ERC2: variants seen among roughly 807,000 people sequenced by gnomAD.
ERC2 encodes ERC protein 2.
In ERC2, 42 loss-of-function variants were observed where a neutral mutation model predicts 114.8. The ratio of observed to expected loss-of-function variants is 0.37; its 90% confidence interval spans 0.29 to 0.47. ERC2 has a LOEUF of 0.47. Among genes scored for constraint, ERC2 ranks in the 20% least tolerant of loss-of-function variants. ERC2 has a pLI of 0.99. For missense variants in ERC2, 939 were observed against 1,150.7 expected, an observed-to-expected ratio of 0.82 and a Z score of 2.66; for synonymous variants, 454 against 425.5, an observed-to-expected ratio of 1.07 and a Z score of -0.82.
rs2081494619 is a variant in ERC2 at position 56,152,815 on chromosome 3, T to C, written c.1150-3683A>G. On this transcript the variant is annotated intron_variant, in intron 4 of 17. Coordinates refer to ENST00000288221, the MANE Select transcript of ERC2 (RefSeq NM_015576.3). ...AATTTGATGCATAAATTGCAGATCA[T>C]AGCTTCTAATTAAAGATTCATACCC... 4.6e-5 allele frequency among the ~76,000 whole-genome samples: 7 copies of C among 152,188 alleles called. No individual in the cohort carries two copies. In the South Asian group the frequency reaches 1.4e-3, roughly 31 times the overall value.
intron 13 of ERC2, among the ~76,000 whole-genome samples, chr3:55,922,500 G>A (rs1559875336): frequency 6.6e-6 from 1 of 152,052 alleles, no homozygotes; most frequent in Non-Finnish European, 1.5e-5. Context: ...AAAGATGCCA[G>A]TAGAAAAACA....
Position 55,995,265 on chromosome 3 carries a change from G to A in ERC2, c.2062-3015C>T, listed in dbSNP as rs1381036690. On this transcript the variant is annotated intron_variant, in intron 10 of 17. Transcript: ENST00000288221. ...AGAGAATTGCTTGAACCCAGGAGGC[G>A]GAGGTTTCAGTGAGCCAAGATCATG... Among the ~76,000 whole-genome samples, 3 of 152,078 alleles carry A rather than the reference G, an allele frequency of 2.0e-5. No homozygotes were observed. In the South Asian group the frequency reaches 6.2e-4, roughly 32 times the overall value.
intron 1 of ERC2, among the ~76,000 whole-genome samples, chr3:56,458,647 T>C (rs1450994427): frequency 6.6e-6 from 1 of 152,072 alleles, no homozygotes; most frequent in African/African-American, 2.4e-5. Flanking sequence ...CCCATACGAA[T>C]GCCACGCTGT....
chr3:55,662,863 T>G (rs566048281), intron 17 of ERC2, among the ~76,000 whole-genome samples: 4 of 152,310 alleles, frequency 2.6e-5, no homozygotes, highest in Admixed American at 2.0e-4. Context: ...TTAAATTCCA[T>G]GCTTATTCAT....
At chr3:55,704,037 C>T (rs1346967704) in intron 15 of ERC2, among the ~76,000 whole-genome samples, 1 of 152,164 alleles carries the variant, frequency 6.6e-6, no homozygotes, top group Non-Finnish European at 1.5e-5. Context: ...TTTGGGGGAG[C>T]AGGAGCCTTT....
intron 14 of ERC2, among the ~76,000 whole-genome samples, chr3:55,737,309 G>T (rs899562824): frequency 6.6e-6 from 1 of 152,198 alleles, no homozygotes; most frequent in Non-Finnish European, 1.5e-5. Flanking sequence ...GAAAAGCAGT[G>T]CAGGCTGGAC....
chr3:56,081,230 T>C (rs751741441), intron 6 of ERC2, among the ~76,000 whole-genome samples: 2 of 152,112 alleles, frequency 1.3e-5, no homozygotes, highest in Non-Finnish European at 2.9e-5. Context: ...TAAGACATTA[T>C]GAAATAGTAG....
At chr3:56,190,440 G>C (rs2083913112) in intron 3 of ERC2, among the ~76,000 whole-genome samples, 5 of 152,030 alleles carry the variant, frequency 3.3e-5, no homozygotes. Context: ...TTAGCTATCT[G>C]TCTATTCATT....
chr3:55,663,290 A>G (rs553538607), intron 17 of ERC2, among the ~76,000 whole-genome samples: 31 of 152,356 alleles, frequency 2.0e-4, no homozygotes, highest in Non-Finnish European at 3.4e-4. Context: ...AGCTTTTCCA[A>G]TGTACCTGCC....
At chr3:55,602,444 T>A (rs971857340) in intron 17 of ERC2, among the ~76,000 whole-genome samples, 19 of 152,248 alleles carry the variant, frequency 1.2e-4, no homozygotes, top group South Asian at 2.1e-4. Flanking sequence ...AGAGGCACCA[T>A]AAGAGTTGGA....
At chr3:56,254,283 C>T (rs891799372) in intron 3 of ERC2, among the ~76,000 whole-genome samples, 1 of 152,152 alleles carries the variant, frequency 6.6e-6, no homozygotes, top group Non-Finnish European at 1.5e-5. Context: ...CACCCCCCAA[C>T]AACTATACTC....
intron 3 of ERC2, among the ~76,000 whole-genome samples, chr3:56,274,192 T>C (rs2053842373): frequency 6.6e-6 from 1 of 152,194 alleles, no homozygotes; most frequent in Admixed American, 6.5e-5. Flanking sequence ...CTTAGGAGCC[T>C]GAACCTTATT....
intron 14 of ERC2, among the ~76,000 whole-genome samples, chr3:55,821,323 T>A: frequency 6.6e-6 from 1 of 152,122 alleles, no homozygotes; most frequent in Non-Finnish European, 1.5e-5. Context: ...CACTGTGGTC[T>A]GTAGAGGGGC....
At chr3:55,686,462 G>A (rs2062337367) in intron 16 of ERC2, among the ~76,000 whole-genome samples, 1 of 152,184 alleles carries the variant, frequency 6.6e-6, no homozygotes, top group African/African-American at 2.4e-5. Flanking sequence ...CAGAGTGAGT[G>A]TCCGTTTGGG....
chr3:55,971,213 G>A (rs1371407070), intron 12 of ERC2, among the ~76,000 whole-genome samples: 1 of 152,008 alleles, frequency 6.6e-6, no homozygotes, highest in Non-Finnish European at 1.5e-5. Flanking sequence ...CTGCTAATGG[G>A]TATGGGGTTT....
chr3:56,288,062 C>T (rs1226740368), intron 3 of ERC2, among the ~76,000 whole-genome samples: 1 of 152,132 alleles, frequency 6.6e-6, no homozygotes, highest in Admixed American at 6.5e-5. Flanking sequence ...TGTTTATAGG[C>T]TTTATATACC....
intron 2 of ERC2, among the ~76,000 whole-genome samples, chr3:56,431,302 T>C (rs1266395453): frequency 6.6e-6 from 1 of 152,184 alleles, no homozygotes; most frequent in Non-Finnish European, 1.5e-5. Context: ...TATATGTGTC[T>C]CTCCTCCCTT....
chr3:56,436,039 G>C (rs1337151407), intron 1 of ERC2, among the ~76,000 whole-genome samples: 2 of 152,120 alleles, frequency 1.3e-5, no homozygotes, highest in Admixed American at 1.3e-4. Flanking sequence ...TATGTAGCTG[G>C]GGCTACAGCA....
intron 13 of ERC2, among the ~76,000 whole-genome samples, chr3:55,920,444 A>C (rs1341235693): frequency 5.4e-5 from 8 of 148,120 alleles, no homozygotes; most frequent in African/African-American, 2.1e-4. Flanking sequence ...ACACACACAC[A>C]CACCCCAAGT....
Sources: allele counts gnomAD v4.1 joint callset (sites outside exome capture counted in the v4.1 genomes callset), GRCh38; gene constraint gnomAD v4.1.1; transcripts MANE v1.5; gene names NCBI Gene and HGNC (gene_info 2026-07-23, HGNC 2026-07-21).